Variants in RFX3 observed in about 807,000 individuals in gnomAD.
The protein encoded by RFX3 is regulatory factor X3.
Under a neutral mutation model 98.6 loss-of-function variants are expected in RFX3, and 14 were observed. The observed-to-expected ratio is 0.14, with a 90% CI of 0.09 to 0.22. The LOEUF is 0.22. Ranked by LOEUF, RFX3 falls within the 10% of genes least tolerant of loss-of-function variation. RFX3 has a pLI of 1.00. For synonymous variants in RFX3, 383 were observed against 328.4 expected (o/e 1.17, Z -1.80); for missense variants, 639 against 926.9 (o/e 0.69, Z 4.03).
At chr9:3,460,741 C>A (rs1280856724) in intron 1 of RFX3, among the ~76,000 whole-genome samples, 1 of 150,434 alleles carries the variant, frequency 6.6e-6, no homozygotes, top group East Asian at 2.0e-4. Context: ...ATAGGCTACA[C>A]ATGCCCACTA....
chr9:3,482,056 A>T (rs1330584378), intron 1 of RFX3, among the ~76,000 whole-genome samples: 2 of 152,050 alleles, frequency 1.3e-5, no homozygotes, highest in Admixed American at 1.3e-4. Context: ...ATATAAAGAA[A>T]ATAATTGGAC....
intron 15 of RFX3, among the ~76,000 whole-genome samples, chr9:3,242,607 C>A (rs1820109590): frequency 6.6e-6 from 1 of 152,104 alleles, no homozygotes. Context: ...TGTAATTCTA[C>A]TTCCACCAAA....
chr9:3,401,150 T>A (rs1841438125), intron 1 of RFX3, among the ~76,000 whole-genome samples: 1 of 152,170 alleles, frequency 6.6e-6, no homozygotes, highest in Non-Finnish European at 1.5e-5. Flanking sequence ...ACAGAGACCA[T>A]AAAACCCAAC....
At chr9:3,363,968 C>G (rs766767319) in intron 2 of RFX3, among the ~76,000 whole-genome samples, 19 of 152,336 alleles carry the variant, frequency 1.2e-4, no homozygotes, top group South Asian at 4.1e-4. Context: ...CTCCGCCTCC[C>G]GGATTCAAGC....
intron 3 of RFX3, among the ~76,000 whole-genome samples, chr9:3,331,861 T>C (rs190106391): frequency 6.6e-6 from 1 of 152,184 alleles, no homozygotes; most frequent in Non-Finnish European, 1.5e-5. Flanking sequence ...AGTTATACTT[T>C]AAGAATATTA....
At chr9:3,495,867 C>A (rs1004831450) in intron 1 of RFX3, among the ~76,000 whole-genome samples, 3 of 152,048 alleles carry the variant, frequency 2.0e-5, no homozygotes, top group African/African-American at 4.8e-5. Context: ...TTCTTTTAAA[C>A]ATATTACCTT....
chr9:3,356,963 G>GCACACACACACACACA (rs199897465), intron 2 of RFX3, among the ~76,000 whole-genome samples: 4 of 140,846 alleles, frequency 2.8e-5, no homozygotes, highest in African/African-American at 1.1e-4. Flanking sequence ...ATACACACAT[G>GCACACACACACACACA]CACACACACG....
At chr9:3,451,335 C>A (rs1846607586) in intron 1 of RFX3, among the ~76,000 whole-genome samples, 2 of 152,084 alleles carry the variant, frequency 1.3e-5, no homozygotes, top group South Asian at 4.1e-4. Context: ...CACTTGAGCC[C>A]AGGAGTTCAA....
chr9:3,430,817 T>A (rs1290116990), intron 1 of RFX3, among the ~76,000 whole-genome samples: 1 of 151,950 alleles, frequency 6.6e-6, no homozygotes, highest in African/African-American at 2.4e-5. Context: ...ACATAAAGAA[T>A]GAGTCCCCCA....
intron 1 of RFX3, among the ~76,000 whole-genome samples, chr9:3,401,333 A>G (rs146114811): frequency 6.6e-6 from 1 of 152,336 alleles, no homozygotes; most frequent in African/African-American, 2.4e-5. Context: ...GTAGGCTTCC[A>G]ACATTTCTGC....
At chr9:3,503,471 A>T (rs1816273790) in intron 1 of RFX3, among the ~76,000 whole-genome samples, 1 of 152,076 alleles carries the variant, frequency 6.6e-6, no homozygotes, top group Non-Finnish European at 1.5e-5. Flanking sequence ...AATACTGTGA[A>T]ACTGTACATT....
chr9:3,417,757 T>C (rs1843103117), intron 1 of RFX3, among the ~76,000 whole-genome samples: 1 of 152,106 alleles, frequency 6.6e-6, no homozygotes. Flanking sequence ...GGAAAGGGGA[T>C]CATAAATTCA....
intron 1 of RFX3, among the ~76,000 whole-genome samples, chr9:3,508,547 A>C (rs751767998): frequency 6.6e-6 from 1 of 152,000 alleles, no homozygotes; most frequent in African/African-American, 2.4e-5. Flanking sequence ...AATAAAAAAG[A>C]GGAACTTCTA....
intron 1 of RFX3, among the ~76,000 whole-genome samples, chr9:3,445,195 G>A (rs1587697776): frequency 6.6e-6 from 1 of 151,796 alleles, no homozygotes; most frequent in Non-Finnish European, 1.5e-5. Flanking sequence ...GATAAACATA[G>A]TTTTCAAATG....
chr9:3,229,639 G>A (rs1818230721), intron 15 of RFX3, among the ~76,000 whole-genome samples: 1 of 152,154 alleles, frequency 6.6e-6, no homozygotes, highest in African/African-American at 2.4e-5. Context: ...AATAAAAATT[G>A]AATAGAGTAA....
chr9:3,363,362 G>T (rs1836680240), intron 2 of RFX3, among the ~76,000 whole-genome samples: 1 of 152,140 alleles, frequency 6.6e-6, no homozygotes, highest in African/African-American at 2.4e-5. Context: ...ATAAGAATAT[G>T]TACTTTAAAT....
At chr9:3,448,879 T>C (rs903210457) in intron 1 of RFX3, among the ~76,000 whole-genome samples, 4 of 152,156 alleles carry the variant, frequency 2.6e-5, no homozygotes, top group Non-Finnish European at 4.4e-5. Context: ...AATTTTCAAC[T>C]CTTTTCTTTT....
intron 4 of RFX3, among the ~76,000 whole-genome samples, chr9:3,312,802 C>T (rs1052215382): frequency 6.6e-6 from 1 of 152,158 alleles, no homozygotes; most frequent in African/African-American, 2.4e-5. Context: ...TGCAAGGTGG[C>T]AGTGAGGCTG....
chr9:3,269,220 T>C (rs1464393938), intron 11 of RFX3, among the ~76,000 whole-genome samples: 1 of 152,042 alleles, frequency 6.6e-6, no homozygotes, highest in Non-Finnish European at 1.5e-5. Flanking sequence ...ATTAATATTA[T>C]ATGGAAATAT....
Sources: allele counts gnomAD v4.1 joint callset (sites outside exome capture counted in the v4.1 genomes callset), GRCh38; gene constraint gnomAD v4.1.1; transcripts MANE v1.5; gene names NCBI Gene and HGNC (gene_info 2026-07-23, HGNC 2026-07-21).